GDF6: variants seen among roughly 807,000 people sequenced by gnomAD.
The protein encoded by GDF6 is growth/differentiation factor 6.
In GDF6, 3 loss-of-function variants were observed where a neutral mutation model predicts 32.4. The observed-to-expected ratio is 0.09, with a 90% CI of 0.04 to 0.24. The LOEUF (loss-of-function observed/expected upper bound fraction) is 0.24, where lower values mean the gene tolerates loss of function less well. Among genes scored for constraint, GDF6 ranks in the 10% least tolerant of loss-of-function variants. GDF6 has a pLI of 1.00. For missense variants in GDF6, 589 were observed against 637.9 expected (o/e 0.92, Z 0.83); for synonymous variants, 296 against 295.3 (o/e 1.00, Z -0.03).
intron 1 of GDF6, among the ~76,000 whole-genome samples, chr8:96,156,529 C>G (rs1425843016): frequency 5.3e-5 from 8 of 152,090 alleles, no homozygotes; most frequent in Non-Finnish European, 8.8e-5. Flanking sequence ...GTCCAGGGCC[C>G]CAGTACTAGT....
chr8:96,160,121 G>A (rs1191509078), intron 1 of GDF6, among the ~76,000 whole-genome samples, 166 bp downstream of exon 1: 1 of 152,232 alleles, frequency 6.6e-6, no homozygotes, highest in Admixed American at 6.5e-5. Context: ...AGAATCCGCA[G>A]CCACATTCAG....
In GDF6 at chr8:96,144,972, G is replaced by A. The variant is rs888138096; in HGVS notation, c.959C>T (p.Pro320Leu). 2.2e-6 allele frequency: 3 copies of A among 1,392,372 alleles called. No homozygotes were observed. In the South Asian group the frequency reaches 5.1e-5, roughly 24 times the overall value. The allele number at this position is 1,392,372 out of a possible 1,614,324, so 86.3% of individuals were successfully genotyped here. The change falls in exon 2 of 2, where the codon CCG becomes CTG. Residue 320 changes from proline (P) to leucine (L), a missense_variant. Transcript: ENST00000287020. The surrounding 1 kb of genome is among the most constrained non-coding windows in gnomAD (Gnocchi z 5.1). ...CGAGGGCAGCCAAGGCCTGGCATCC[G>A]GGGCGCCCGACGGCGGCGGCCACGA... ...EGSWPPPSGA[P>L]DARPWLPSPG...
chr8:96,160,437 G>T lies in GDF6; in HGVS notation c.256C>A (p.Pro86Thr). The T allele has an allele frequency of 1.2e-6, 2 of 1,613,878 alleles. No individual in the cohort carries two copies. The highest frequency in any genetic ancestry group is 2.2e-5 in the South Asian group (2 of 91,082). ...GGCACCACGCGCGGACCCCTGCCTGGCGGCTCCTGCGCCCGGGGCTGCTGA... is the reference window on the plus strand; with the variant it reads ...GGCACCACGCGCGGACCCCTGCCTGTCGGCTCCTGCGCCCGGGGCTGCTGA... ...RAQQPRAQEP[P>T]GRGPRVVPHE... The change falls in exon 1 of 2, where the codon CCA becomes ACA. Residue 86 changes from proline to threonine, a missense_variant. Physicochemically the swap from Pro to Thr is conservative, Grantham distance 38 (BLOSUM62 -1). Coordinates refer to ENST00000287020, the MANE Select transcript of GDF6 (RefSeq NM_001001557.4).
rs761634996 is a variant in GDF6 at position 96,145,035 on chromosome 8, G to A, written c.896C>T (p.Ser299Leu). ...CGCGCCCGGGCCCGCAGCCTCGGCC[G>A]AGCCCAGCTGCTCGCGCATCTCTGC... is the stretch of plus-strand genomic sequence containing the variant. The part of the protein sequence containing the change: ...LFAEMREQLG[S>L]AEAAGPGAGA... Residue 299 changes from serine (S) to leucine (L), a missense_variant, in exon 2 of 2, where the codon TCG (serine) becomes TTG (leucine). By Grantham distance (145) the Ser-to-Leu change is moderately radical. Around this residue, in one of 2 missense-constraint regions of GDF6, gnomAD observed 436 missense variants for 411.2 expected, o/e 1.06. Coordinates refer to ENST00000287020, the MANE Select transcript of GDF6 (RefSeq NM_001001557.4). The surrounding 1 kb of genome is among the most constrained non-coding windows in gnomAD (Gnocchi z 5.6). 2.7e-5 allele frequency: 39 copies of A among 1,455,318 alleles called. No individual in the cohort carries two copies. Among genetic ancestry groups the A allele is most frequent in the Non-Finnish European group, 3.2e-5 (35 of 1,107,896 alleles). 90.2% of individuals were successfully genotyped at this position (1,455,318 alleles called of 1,614,324 possible).
chr8:96,148,529 G>C (rs907675076), intron 1 of GDF6, among the ~76,000 whole-genome samples: 3 of 152,218 alleles, frequency 2.0e-5, no homozygotes, highest in African/African-American at 7.2e-5. Context: ...TCTCGCTCTA[G>C]AGGCTTGTGG....
chr8:96,149,376 CA>C (rs1812532432), intron 1 of GDF6, among the ~76,000 whole-genome samples: 1 of 152,204 alleles, frequency 6.6e-6, no homozygotes. Flanking sequence ...GAACATTAGA[CA>C]TATAAACATT....
intron 1 of GDF6, among the ~76,000 whole-genome samples, chr8:96,146,053 C>T (rs1278026982): frequency 6.6e-6 from 1 of 152,170 alleles, no homozygotes; most frequent in Non-Finnish European, 1.5e-5. Context: ...TTACTTTTAT[C>T]TCCTTAGTAG....
intron 1 of GDF6, among the ~76,000 whole-genome samples, chr8:96,152,427 C>A (rs1197839730): frequency 6.6e-6 from 1 of 152,192 alleles, no homozygotes; most frequent in Admixed American, 6.5e-5. Flanking sequence ...CCCTGAGAGG[C>A]CTAAGGATTC....
At position 96,160,588 on chromosome 8, in the gene GDF6, G is replaced by A. The variant is rs1424571675; in HGVS notation, c.105C>T (p.Ala35=). 6.2e-7 allele frequency: 1 copy of A among 1,613,704 alleles called. No homozygotes were observed. Among genetic ancestry groups the A allele is most frequent in the East Asian group, 2.2e-5 (1 of 44,842 alleles). The change falls in exon 1 of 2, where the codon GCC becomes GCT. Residue 35 remains alanine (A), a synonymous_variant. Transcript: ENST00000287020. ...QASISSSSSS[A]ELGSTKGMRS... Reference sequence around the variant, plus strand: ...GCATGCCCTTGGTGGAACCCAGCTCGGCGGACGACGAGGAGGATGAGATGG... The same window carrying A: ...GCATGCCCTTGGTGGAACCCAGCTCAGCGGACGACGAGGAGGATGAGATGG...
chr8:96,158,028 C>T (rs1401702734), intron 1 of GDF6, among the ~76,000 whole-genome samples: 9 of 152,206 alleles, frequency 5.9e-5, no homozygotes, highest in African/African-American at 2.2e-4. Flanking sequence ...GCCGCACCGC[C>T]TTCCCAGTCA....
chr8:96,158,955 G>C (rs1812715367), intron 1 of GDF6, among the ~76,000 whole-genome samples: 2 of 151,970 alleles, frequency 1.3e-5, no homozygotes, highest in Non-Finnish European at 2.9e-5. Context: ...CTATGAGTGA[G>C]AGGCGGGGAC....
chr8:96,158,996 C>A (rs1022631524), intron 1 of GDF6, among the ~76,000 whole-genome samples: 5 of 125,894 alleles, frequency 4.0e-5, no homozygotes, highest in Admixed American at 8.2e-5. Flanking sequence ...GGGCTGGGGG[C>A]GGGGGGGCCG....
rs997532997 is a variant in GDF6, at chr8:96,143,172, C to G, written c.*1391G>C. On this transcript the variant is annotated 3_prime_UTR_variant, in exon 2 of 2. Transcript: ENST00000287020. Reference sequence around the variant, plus strand: ...ACTGCCTGTTCCCCATCTCCCACCCCAAGCTCAATGTAACACTTGGCTCTT... The same window carrying G: ...ACTGCCTGTTCCCCATCTCCCACCCGAAGCTCAATGTAACACTTGGCTCTT... The G allele has an allele frequency of 3.9e-5, 6 of 152,420 alleles. No homozygotes were observed. The highest frequency in any genetic ancestry group is 8.8e-5 in the Non-Finnish European group (6 of 68,068). 9.4% of individuals were successfully genotyped at this position (152,420 alleles called of 1,614,324 possible).
chr8:96,159,134 A>C (rs1317394133), intron 1 of GDF6, among the ~76,000 whole-genome samples: 1 of 152,234 alleles, frequency 6.6e-6, no homozygotes, highest in Non-Finnish European at 1.5e-5. Context: ...GGAGCAGGTC[A>C]AAGTCATGGA....
In GDF6 at chr8:96,144,285, A is replaced by T. The variant is rs113422438; in HGVS notation, c.*278T>A. On this transcript the variant is annotated 3_prime_UTR_variant, in exon 2 of 2. Coordinates refer to ENST00000287020, the MANE Select transcript of GDF6 (RefSeq NM_001001557.4). This position sits in a 1 kb window ranked among gnomAD's most constrained non-coding sequence, Gnocchi z 5.1. ...GAGAGAGAGAGAGAGAGAGAGAGAG[A>T]GAGAGAAAACAGAACAAAAGAAATC... The T allele has an allele frequency of 4.0e-6, 2 of 495,328 alleles. No homozygotes were observed. The highest frequency in any genetic ancestry group is 7.3e-6 in the Non-Finnish European group (2 of 274,336). 30.7% of individuals were successfully genotyped at this position (495,328 alleles called of 1,614,324 possible).
At position 96,145,599 on chromosome 8, in the gene GDF6, G is replaced by A; in HGVS notation, c.407-75C>T. ...GCCCGGTGCTCTTCGGCCGCCCCGG[G>A]AGGAAAAGGGCGGGGAGTGGGGGCA... On this transcript the variant is annotated intron_variant, in intron 1 of 1. Transcript: ENST00000287020. The surrounding 1 kb of genome is among the most constrained non-coding windows in gnomAD (Gnocchi z 5.6). 1 of 1,578,336 alleles carries A rather than the reference G, an allele frequency of 6.3e-7. No individual in the cohort carries two copies. Among genetic ancestry groups the A allele is most frequent in the South Asian group, 1.1e-5 (1 of 88,880 alleles).
rs1812407645 is a variant in GDF6, at chr8:96,143,547, A to G, written c.*1016T>C. On this transcript the variant is annotated 3_prime_UTR_variant, in exon 2 of 2. Coordinates refer to ENST00000287020, the MANE Select transcript of GDF6 (RefSeq NM_001001557.4). ...TTCCCCACTCCTGCCCATTTTTTTG[A>G]ACTGGAAAATCACCTTCCCCTTAGA... The G allele has an allele frequency of 4.6e-5, 7 of 152,544 alleles. No individual in the cohort carries two copies. The highest frequency in any genetic ancestry group is 3.9e-4 in the Admixed American group (6 of 15,274). The allele number at this position is 152,544 out of a possible 1,614,324, so 9.4% of individuals were successfully genotyped here. A position where few individuals can be genotyped will look rare whatever the true frequency, so the allele number is the denominator to read the frequency against.
In GDF6 at chr8:96,144,851, G is replaced by T. The variant is rs1812443639; in HGVS notation, c.1080C>A (p.His360Gln). The T allele has an allele frequency of 1.9e-6, 3 of 1,614,030 alleles. No homozygotes were observed. The highest frequency in any genetic ancestry group is 1.1e-5 in the South Asian group (1 of 91,074). Reference sequence around the variant, plus strand: ...CCCAGCCCAGCTCCTTGAAGTTCACGTGCAGGGGCTTCTTGCTGCAGCGTA... The same window carrying T: ...CCCAGCCCAGCTCCTTGAAGTTCACTTGCAGGGGCTTCTTGCTGCAGCGTA... ...SRLRCSKKPLHVNFKELGWDD... is the reference protein window; with the variant it reads ...SRLRCSKKPLQVNFKELGWDD... The change falls in exon 2 of 2, where the codon CAC (histidine) becomes CAA (glutamine). Residue 360 changes from histidine to glutamine, a missense_variant. By Grantham distance (24) the His-to-Gln change is conservative. This residue lies in a region of GDF6 where 153 missense variants were observed against 226.7 expected (regional missense o/e 0.67). Coordinates refer to ENST00000287020, the MANE Select transcript of GDF6 (RefSeq NM_001001557.4). This position sits in a 1 kb window ranked among gnomAD's most constrained non-coding sequence, Gnocchi z 5.1.
At position 96,144,535 on chromosome 8, in the gene GDF6, C is replaced by T. The variant is rs367847329; in HGVS notation, c.*28G>A. On this transcript the variant is annotated 3_prime_UTR_variant, in exon 2 of 2. Transcript: ENST00000287020. This position sits in a 1 kb window ranked among gnomAD's most constrained non-coding sequence, Gnocchi z 5.1. ...AGGCGGACCTTGGCCCACCTTGGTT[C>T]CGGGCCAAGGCGGCGGGAAAGGCAC... The T allele has an allele frequency of 1.1e-3, 1,733 of 1,610,948 alleles. 1 individual carries two copies. Among genetic ancestry groups the T allele is most frequent in the Non-Finnish European group, 1.4e-3 (1,607 of 1,178,776 alleles).
Sources: gnomAD v4.1 joint callset for allele counts (sites outside exome capture counted in the v4.1 genomes callset) on GRCh38, gnomAD v4.1.1 for gene constraint, gnomAD v4.1.1 regional missense constraint, Gnocchi (gnomAD v3.1) non-coding constraint, MANE v1.5 for transcripts, NCBI Gene and HGNC (gene_info 2026-07-23, HGNC 2026-07-21) for gene names.